Variants in SH2D5 observed in about 807,000 individuals in gnomAD.
SH2D5 encodes the protein SH2 domain containing 5, also known as SH2 domain-containing protein 5.
A neutral mutation model predicts 48.2 loss-of-function variants in SH2D5; 45 were observed. The observed-to-expected ratio is 0.93, with a 90% CI of 0.73 to 1.20. The LOEUF (loss-of-function observed/expected upper bound fraction) is 1.20, where lower values mean the gene tolerates loss of function less well. Among genes scored for constraint, SH2D5 ranks in the 50% most tolerant of loss-of-function variants. The pLI is 0.00. For missense variants in SH2D5, 538 were observed against 584.1 expected (o/e 0.92, Z 0.81); for synonymous variants, 230 against 249.8 (o/e 0.92, Z 0.75).
At chr1:20,723,994 C>T (rs1007209042) in intron 7 of SH2D5, 89 bp downstream of exon 7, 10 of 1,498,142 alleles carry the variant, frequency 6.7e-6, no homozygotes, top group Admixed American at 3.6e-5. Context: ...CTTGCAGGAA[C>T]GGGCACTCAC....
intron 9 of SH2D5, 145 bp downstream of exon 9, chr1:20,722,611 G>A (rs1215671685): frequency 1.2e-5 from 10 of 833,594 alleles, no homozygotes; most frequent in East Asian, 9.2e-5. Flanking sequence ...GATGAGGGGC[G>A]AGGCCAGGGA....
chr1:20,729,992 A>G lies in SH2D5; in HGVS notation c.-42-1906T>C, dbSNP rs1013798372. ...TGTATCTTTTATGTTTAAATAAAGC[A>G]AAGTTACATGTGCAACCGGCACTAA... is the stretch of plus-strand genomic sequence containing the variant. On this transcript the variant is annotated intron_variant, in intron 1 of 9. Transcript: ENST00000444387. The surrounding 1 kb of genome is among the most constrained non-coding windows in gnomAD (Gnocchi z 4.2). 6.6e-6 allele frequency among the ~76,000 whole-genome samples: 1 copy of G among 152,232 alleles called. No individual in the cohort carries two copies. The highest frequency in any genetic ancestry group is 1.5e-5 in the Non-Finnish European group (1 of 68,050).
In SH2D5 at chr1:20,728,203, G is replaced by T; in HGVS notation, c.-42-117C>A. 2 of 609,896 alleles carry T rather than the reference G, an allele frequency of 3.3e-6. No homozygotes were observed. Among genetic ancestry groups the T allele is most frequent in the South Asian group, 3.9e-5 (2 of 50,796 alleles). 37.8% of individuals were successfully genotyped at this position (609,896 alleles called of 1,614,324 possible). A position where few individuals can be genotyped will look rare whatever the true frequency, so the allele number is the denominator to read the frequency against. ...GCTGCTATGTGTGCAGCACGGCTGCGCAATGTCCCGGGCCCTGGGGAGCCA... is the reference window on the plus strand; with the variant it reads ...GCTGCTATGTGTGCAGCACGGCTGCTCAATGTCCCGGGCCCTGGGGAGCCA... On this transcript the variant is annotated intron_variant, in intron 1 of 9. Coordinates refer to ENST00000444387, the MANE Select transcript of SH2D5 (RefSeq NM_001103161.2). The surrounding 1 kb of genome is among the most constrained non-coding windows in gnomAD (Gnocchi z 4.3).
chr1:20,728,945 C>T lies in SH2D5; in HGVS notation c.-42-859G>A, dbSNP rs531123756. ...CCCAACCCCTTGCAGATCATGAAAA[C>T]CAGAACTCAGTCAGACAGTGCGCTG... On this transcript the variant is annotated intron_variant, in intron 1 of 9. Transcript: ENST00000444387. The surrounding 1 kb of genome is among the most constrained non-coding windows in gnomAD (Gnocchi z 4.3). Among the ~76,000 whole-genome samples, 3 of 150,572 alleles carry T rather than the reference C, an allele frequency of 2.0e-5. No individual in the cohort carries two copies. In the South Asian group the frequency reaches 6.3e-4, roughly 32 times the overall value.
At chr1:20,725,256 C>T (rs1200955892) in intron 5 of SH2D5, among the ~76,000 whole-genome samples, 2 of 152,232 alleles carry the variant, frequency 1.3e-5, no homozygotes, top group East Asian at 1.9e-4. Flanking sequence ...GACTCAGCCA[C>T]GTGTCACCCC....
At chr1:20,723,948 C>A (rs1036379963) in intron 7 of SH2D5, 135 bp downstream of exon 7, 8 of 1,184,474 alleles carry the variant, frequency 6.8e-6, no homozygotes, top group Middle Eastern at 2.9e-4. Flanking sequence ...CAAACACACA[C>A]AGTGCACAGG....
At chr1:20,727,251 G>A (rs2054819723) in intron 3 of SH2D5, among the ~76,000 whole-genome samples, 176 bp from the exon 4 acceptor site, 1 of 152,134 alleles carries the variant, frequency 6.6e-6, no homozygotes, top group Non-Finnish European at 1.5e-5. Context: ...GCTCCTGGCA[G>A]ATGACCCCTA....
chr1:20,722,224 C>T (rs913550169), intron 9 of SH2D5, among the ~76,000 whole-genome samples: 12 of 152,258 alleles, frequency 7.9e-5, no homozygotes, highest in African/African-American at 2.4e-4. Context: ...TGAAAAGCCT[C>T]GCCACCCCCT....
In SH2D5 at chr1:20,722,889, C is replaced by A; in HGVS notation, c.935G>T (p.Arg312Ile). Residue 312 changes from arginine (R) to isoleucine (I), a missense_variant, in exon 9 of 10, where the codon AGA (arginine) becomes ATA (isoleucine). Arg to Ile is a moderately conservative substitution (Grantham distance 97). Transcript: ENST00000444387. ...SRPCALALLRRDVLGAFLLWP... is the reference protein window; with the variant it reads ...SRPCALALLRIDVLGAFLLWP... ...CAGCAGGAAGGCCCCCAGCACGTCT[C>A]TCCGCAACAGGGCCAGGGCACAGGG... 1 of 1,602,332 alleles carries A rather than the reference C, an allele frequency of 6.2e-7. No homozygotes were observed. The highest frequency in any genetic ancestry group is 8.5e-7 in the Non-Finnish European group (1 of 1,174,832).
At chr1:20,730,028 C>T (rs1302457069) in intron 1 of SH2D5, among the ~76,000 whole-genome samples, 1 of 152,174 alleles carries the variant, frequency 6.6e-6, no homozygotes, top group Non-Finnish European at 1.5e-5. Context: ...AGCCACATGA[C>T]ATTGCTTCCA....
At position 20,721,746 on chromosome 1, in the gene SH2D5, C is replaced by A; in HGVS notation, c.*46G>T. The A allele has an allele frequency of 6.9e-7, 1 of 1,457,736 alleles. No individual in the cohort carries two copies. The highest frequency in any genetic ancestry group is 9.1e-7 in the Non-Finnish European group (1 of 1,097,066). The allele number at this position is 1,457,736 out of a possible 1,614,324, so 90.3% of individuals were successfully genotyped here. A position where few individuals can be genotyped will look rare whatever the true frequency, so the allele number is the denominator to read the frequency against. ...GACGGGCAGAGATGCTGCTGGGGCC[C>A]AGGAGCCGGGGTGAGGCGGGGCCTG... On this transcript the variant is annotated 3_prime_UTR_variant, in exon 10 of 10. Transcript: ENST00000444387.
chr1:20,724,880 G>A (rs544627143), intron 5 of SH2D5, among the ~76,000 whole-genome samples: 1 of 152,320 alleles, frequency 6.6e-6, no homozygotes, highest in East Asian at 1.9e-4. Flanking sequence ...ATCACGCTTG[G>A]AGCAGAGAAT....
At chr1:20,723,252 A>G (rs1269120281) in intron 8 of SH2D5, among the ~76,000 whole-genome samples, 3 of 152,248 alleles carry the variant, frequency 2.0e-5, no homozygotes, top group Non-Finnish European at 2.9e-5. Context: ...CTGGCTCAAC[A>G]GAAAGAAGCT....
rs1200741003 is a variant in SH2D5 at position 20,732,158 on chromosome 1, C to G, written c.-43+23G>C. The G allele has an allele frequency of 6.6e-6, 1 of 151,886 alleles. No individual in the cohort carries two copies. Among genetic ancestry groups the G allele is most frequent in the Non-Finnish European group, 1.5e-5 (1 of 67,942 alleles). The allele number at this position is 151,886 out of a possible 1,614,324, so 9.4% of individuals were successfully genotyped here. A position where few individuals can be genotyped will look rare whatever the true frequency, so the allele number is the denominator to read the frequency against. On this transcript the variant is annotated intron_variant, in intron 1 of 9. Coordinates refer to ENST00000444387, the MANE Select transcript of SH2D5 (RefSeq NM_001103161.2). The surrounding 1 kb of genome is among the most constrained non-coding windows in gnomAD (Gnocchi z 5.1). ...GGGAACCGACCCCCGGATCACCTGG[C>G]GGCGGCGACCCGCCTCACTCACCAA...
chr1:20,722,810 G>A lies in SH2D5; in HGVS notation c.1014C>T (p.Cys338=), dbSNP rs771015433. The A allele has an allele frequency of 1.4e-5, 22 of 1,597,634 alleles. No individual in the cohort carries two copies. Among genetic ancestry groups the A allele is most frequent in the Admixed American group, 1.2e-4 (7 of 58,336 alleles). Residue 338 remains cysteine (C), a synonymous_variant, in exon 9 of 10, where the codon TGC becomes TGT. Coordinates refer to ENST00000444387, the MANE Select transcript of SH2D5 (RefSeq NM_001103161.2). ...GGAAGACCTGGTGGGGCACCACGCC[G>A]CACTGCGTGCGCACGGACAGACACC... ...GQWCLSVRTQ[C]GVVPHQVFRN...
Position 20,728,027 on chromosome 1 carries a change from A to G in SH2D5, c.18T>C (p.Ala6=). Residue 6 remains alanine (A), a synonymous_variant, in exon 2 of 10, where the codon GCT becomes GCC. Transcript: ENST00000444387. This position sits in a 1 kb window ranked among gnomAD's most constrained non-coding sequence, Gnocchi z 4.3. ...CGCAGTCAGAGGCCCTGCGGCCCCC[A>G]GCCCCCGCCTTCTGCATGGCCCCCA... MQKAG[A]GGRRASDCGL... 1 of 1,552,540 alleles carries G rather than the reference A, an allele frequency of 6.4e-7. No homozygotes were observed. The highest frequency in any genetic ancestry group is 8.7e-7 in the Non-Finnish European group (1 of 1,149,194).
rs1349893151 is a variant in SH2D5, at chr1:20,729,547, G to T, written c.-42-1461C>A. 6.6e-6 allele frequency among the ~76,000 whole-genome samples: 1 copy of T among 152,204 alleles called. No homozygotes were observed. The highest frequency in any genetic ancestry group is 6.5e-5 in the Admixed American group (1 of 15,280). ...AAGCTCAACAAAGCCTGCTGCTCAG[G>T]AGGGAGCTTGGGAGGACAGCGGGGT... On this transcript the variant is annotated intron_variant, in intron 1 of 9. Coordinates refer to ENST00000444387, the MANE Select transcript of SH2D5 (RefSeq NM_001103161.2). The surrounding 1 kb of genome is among the most constrained non-coding windows in gnomAD (Gnocchi z 4.2).
chr1:20,723,023 C>G, intron 8 of SH2D5, 108 bp from the exon 9 acceptor site: 1 of 1,142,874 alleles, frequency 8.7e-7, no homozygotes, highest in Non-Finnish European at 1.2e-6. Flanking sequence ...CCCTTAAACA[C>G]ACGGTGCGTT....
intron 3 of SH2D5, 41 bp downstream of exon 3, chr1:20,727,482 C>T: frequency 2.6e-6 from 4 of 1,547,258 alleles, no homozygotes; most frequent in Non-Finnish European, 3.5e-6. Flanking sequence ...GTCTTCAAGG[C>T]TGTGACTTCC....
Sources: allele counts gnomAD v4.1 joint callset (sites outside exome capture counted in the v4.1 genomes callset), GRCh38; gene constraint gnomAD v4.1.1; non-coding constraint Gnocchi (gnomAD v3.1); transcripts MANE v1.5; gene names NCBI Gene and HGNC (gene_info 2026-07-23, HGNC 2026-07-21).